Variants in DSCAM observed in about 807,000 individuals in gnomAD.
The protein encoded by DSCAM is DS cell adhesion molecule.
In DSCAM, 47 loss-of-function variants were observed where a neutral mutation model predicts 217.7. The observed-to-expected ratio is 0.22, with a 90% CI of 0.17 to 0.28. The LOEUF is 0.28. Among genes scored for constraint, DSCAM ranks in the 10% least tolerant of loss-of-function variants. DSCAM has a pLI of 1.00. For missense variants in DSCAM, 2,080 were observed against 2,618.3 expected (o/e 0.79, Z 4.49); for synonymous variants, 1,056 against 1,015.3 (o/e 1.04, Z -0.76).
At chr21:40,752,268 C>T (rs1442342827) in intron 1 of DSCAM, among the ~76,000 whole-genome samples, 1 of 152,160 alleles carries the variant, frequency 6.6e-6, no homozygotes, top group Non-Finnish European at 1.5e-5. Context: ...CTCTTCTTTT[C>T]TCCAAAGCCA....
At chr21:40,539,876 T>C (rs2076530022) in intron 3 of DSCAM, among the ~76,000 whole-genome samples, 1 of 152,236 alleles carries the variant, frequency 6.6e-6, no homozygotes, top group Non-Finnish European at 1.5e-5. Flanking sequence ...AATGGCTTTA[T>C]TAACATAAAA....
intron 11 of DSCAM, among the ~76,000 whole-genome samples, chr21:40,207,875 C>T (rs2091143416): frequency 1.3e-5 from 2 of 152,182 alleles, no homozygotes; most frequent in East Asian, 3.9e-4. Context: ...CACACGGTCA[C>T]TCCTCCATGT....
At chr21:40,814,517 C>T (rs1452455522) in intron 1 of DSCAM, among the ~76,000 whole-genome samples, 1 of 152,200 alleles carries the variant, frequency 6.6e-6, no homozygotes, top group African/African-American at 2.4e-5. Context: ...ATTTTAAATG[C>T]TCACATAAAC....
chr21:40,024,840 T>C (rs2088343272), intron 32 of DSCAM, among the ~76,000 whole-genome samples: 1 of 82,304 alleles, frequency 1.2e-5, no homozygotes. Context: ...ACTTCCTCTT[T>C]TCCTAATTGA....
intron 3 of DSCAM, among the ~76,000 whole-genome samples, chr21:40,529,668 C>T (rs2076427484): frequency 6.6e-6 from 1 of 152,102 alleles, no homozygotes; most frequent in African/African-American, 2.4e-5. Flanking sequence ...GTATTTTTAG[C>T]TCTTTCCATA....
At position 40,360,121 on chromosome 21, in the gene DSCAM, G is replaced by GTTTTTTTTTTTTTTTTTTTTTT. The variant is rs764160478; in HGVS notation, c.656-6379_656-6378insAAAAAAAAAAAAAAAAAAAAAA. ...TAGTGAGCATGGTACTTCATAGGTA[G>GTTTTTTTTTTTTTTTTTTTTTT]TCTTTTTTTTTTTTTTTTTTTTTTT... is the stretch of plus-strand genomic sequence containing the variant. On this transcript the variant is annotated intron_variant, in intron 4 of 32. Transcript: ENST00000400454. 2.7e-4 allele frequency among the ~76,000 whole-genome samples: 22 copies of GTTTTTTTTTTTTTTTTTTTTTT among 82,656 alleles called. 10 individuals are homozygous for GTTTTTTTTTTTTTTTTTTTTTT. Among genetic ancestry groups the GTTTTTTTTTTTTTTTTTTTTTT allele is most frequent in the South Asian group, 8.2e-4 (2 of 2,428 alleles). The allele number at this position is 82,656 out of a possible 152,430, so 54.2% of individuals were successfully genotyped here.
intron 1 of DSCAM, among the ~76,000 whole-genome samples, chr21:40,767,404 G>T (rs12483431): frequency 0.28 from 42,793 of 152,036 alleles, 7,043 homozygotes; most frequent in East Asian, 0.4. Context: ...AGACAAGCAC[G>T]AAGCAGGTAC....
intron 10 of DSCAM, among the ~76,000 whole-genome samples, chr21:40,281,776 G>A (rs8131430): frequency 0.027 from 4,127 of 151,926 alleles, 190 homozygotes; most frequent in African/African-American, 0.095. Context: ...GAATGTATTG[G>A]CCATCTGTAT....
intron 3 of DSCAM, among the ~76,000 whole-genome samples, chr21:40,587,882 T>C (rs2076957874): frequency 6.6e-6 from 1 of 152,198 alleles, no homozygotes; most frequent in African/African-American, 2.4e-5. Context: ...CAGCACTCAG[T>C]CAGCCCCAGT....
At chr21:40,291,701 C>G (rs1222380472) in intron 10 of DSCAM, among the ~76,000 whole-genome samples, 1 of 152,224 alleles carries the variant, frequency 6.6e-6, no homozygotes, top group Non-Finnish European at 1.5e-5. Flanking sequence ...CAGACTTTCC[C>G]TACTCCTGGG....
At chr21:40,792,420 G>A (rs1025734836) in intron 1 of DSCAM, among the ~76,000 whole-genome samples, 1 of 152,078 alleles carries the variant, frequency 6.6e-6, no homozygotes, top group Non-Finnish European at 1.5e-5. Flanking sequence ...CACCGTGCCC[G>A]GCCATCTCCT....
intron 3 of DSCAM, among the ~76,000 whole-genome samples, chr21:40,381,062 CAAAAAAAA>C (rs71186932): frequency 2.6e-4 from 17 of 66,222 alleles, no homozygotes; most frequent in Middle Eastern, 0.014. Context: ...GACTCCGTCT[CAAAAAAAA>C]AAAAAAAAAA....
At chr21:40,032,846 A>G (rs985764819) in intron 32 of DSCAM, among the ~76,000 whole-genome samples, 1 of 152,160 alleles carries the variant, frequency 6.6e-6, no homozygotes, top group Non-Finnish European at 1.5e-5. Flanking sequence ...TTAGAAATTG[A>G]TGAAAGTTCC....
intron 1 of DSCAM, among the ~76,000 whole-genome samples, chr21:40,790,750 A>G (rs1376941405): frequency 6.6e-6 from 1 of 152,260 alleles, no homozygotes; most frequent in East Asian, 1.9e-4. Context: ...AGCACAAAAA[A>G]TAAATAAGAA....
rs1414917072 is a variant in DSCAM at position 40,054,212 on chromosome 21, T to C, written c.5035+1513A>G. Among the ~76,000 whole-genome samples the C allele has an allele frequency of 5.9e-5, 9 of 152,212 alleles. No individual in the cohort carries two copies. In the East Asian group the frequency reaches 1.7e-3, roughly 29 times the overall value. ...AAAGCAAAACATAGTAGCTTATCCC[T>C]TGTCCTGATACAAGCAAGCTAATAA... On this transcript the variant is annotated intron_variant, in intron 29 of 32. Transcript: ENST00000400454.
At chr21:40,759,298 C>G (rs1424172550) in intron 1 of DSCAM, among the ~76,000 whole-genome samples, 2 of 152,144 alleles carry the variant, frequency 1.3e-5, no homozygotes, top group African/African-American at 4.8e-5. Context: ...CTCCATGACC[C>G]CATGCATCAG....
intron 3 of DSCAM, among the ~76,000 whole-genome samples, chr21:40,494,319 A>C (rs1270846558): frequency 6.6e-6 from 1 of 152,230 alleles, no homozygotes. Flanking sequence ...CAGTCACTTC[A>C]GATTTAAGGA....
chr21:40,781,995 A>AAG (rs1298393457), intron 1 of DSCAM, among the ~76,000 whole-genome samples: 44 of 148,400 alleles, frequency 3.0e-4, no homozygotes, highest in African/African-American at 1.1e-3. Flanking sequence ...AAAAATACAA[A>AAG]AAAAAAAAAA....
chr21:40,652,020 C>G (rs2090019929), intron 3 of DSCAM, among the ~76,000 whole-genome samples: 1 of 152,080 alleles, frequency 6.6e-6, no homozygotes. Flanking sequence ...CCATACTTCC[C>G]CATTTAGTTG....
Sources: allele counts gnomAD v4.1 joint callset (sites outside exome capture counted in the v4.1 genomes callset), GRCh38; gene constraint gnomAD v4.1.1; transcripts MANE v1.5; gene names NCBI Gene and HGNC (gene_info 2026-07-23, HGNC 2026-07-21).